The following TMED3 variants were observed in gnomAD, a reference collection of about 807,000 sequenced individuals.
TMED3 encodes transmembrane emp24 domain-containing protein 3.
A neutral mutation model predicts 15.0 loss-of-function variants in TMED3; 9 were observed. That is an observed-to-expected ratio of 0.60 (90% CI 0.36 to 1.04). The LOEUF (loss-of-function observed/expected upper bound fraction) is 1.04. Ranked by LOEUF, TMED3 falls within the 50% of genes least tolerant of loss-of-function variation. The pLI is 0.01. For synonymous variants in TMED3, 117 were observed against 121.4 expected (o/e 0.96, Z 0.24); for missense variants, 267 against 278.9 (o/e 0.96, Z 0.30).
chr15:79,320,172 C>G (rs1179396691), intron 2 of TMED3, among the ~76,000 whole-genome samples: 1 of 152,164 alleles, frequency 6.6e-6, no homozygotes, highest in Non-Finnish European at 1.5e-5. Flanking sequence ...CTGGCATTAC[C>G]GCTAGACCAA....
downstream of TMED3, among the ~76,000 whole-genome samples, chr15:79,324,360 T>G (rs1266694972): frequency 3.9e-5 from 6 of 152,322 alleles, no homozygotes; most frequent in South Asian, 1.2e-3. Context: ...AAATTGAAGA[T>G]TTTTTGTTAT....
intron 2 of TMED3, among the ~76,000 whole-genome samples, chr15:79,339,613 G>A (rs1003443636): frequency 2.0e-5 from 3 of 152,196 alleles, no homozygotes; most frequent in African/African-American, 7.2e-5. Context: ...GTCATGATGA[G>A]GGTGGCAGTG....
chr15:79,385,551 C>T (rs1282570904), intron 2 of TMED3, among the ~76,000 whole-genome samples: 1 of 152,176 alleles, frequency 6.6e-6, no homozygotes, highest in African/African-American at 2.4e-5. Flanking sequence ...AGGAGCAGGA[C>T]TCCTGCTTGT....
intron 2 of TMED3, among the ~76,000 whole-genome samples, chr15:79,364,496 G>A (rs1893191219): frequency 6.6e-6 from 1 of 151,970 alleles, no homozygotes; most frequent in South Asian, 2.1e-4. Flanking sequence ...CCTCGAGCCT[G>A]GAGCCCCATG....
At chr15:79,372,122 G>A (rs544555114) in intron 2 of TMED3, among the ~76,000 whole-genome samples, 2 of 152,274 alleles carry the variant, frequency 1.3e-5, no homozygotes, top group South Asian at 2.1e-4. Context: ...AGTCAGTCAC[G>A]TTAGGTTTCT....
At chr15:79,407,292 A>T (rs1893914724) in intron 2 of TMED3, among the ~76,000 whole-genome samples, 1 of 152,174 alleles carries the variant, frequency 6.6e-6, no homozygotes, top group Admixed American at 6.5e-5. Context: ...GAGTGCCTCT[A>T]CATCAATTAA....
rs921431358 is a variant in TMED3, at chr15:79,363,717, C to T, written c.418-47683C>T. ...AATTGTTAATTTTCTCCAGTTTTAACGTAAAGCAAAGGCAGATTTGATTAT... is the reference window on the plus strand; with the variant it reads ...AATTGTTAATTTTCTCCAGTTTTAATGTAAAGCAAAGGCAGATTTGATTAT... On this transcript the variant is annotated intron_variant, in intron 2 of 2. Coordinates refer to the TMED3 transcript ENST00000424155. 5.3e-5 allele frequency among the ~76,000 whole-genome samples: 8 copies of T among 152,194 alleles called. No homozygotes were observed. The South Asian group carries it at 6.2e-4, about 12-fold the overall frequency.
At chr15:79,355,723 C>G (rs2058916334) in intron 2 of TMED3, among the ~76,000 whole-genome samples, 1 of 152,150 alleles carries the variant, frequency 6.6e-6, no homozygotes, top group Non-Finnish European at 1.5e-5. Flanking sequence ...GGTGAGCACG[C>G]CAGCAGGTGT....
In TMED3 at chr15:79,311,308, G is replaced by C. The variant is rs773135891; in HGVS notation, c.59G>C (p.Arg20Pro). 4 of 1,608,454 alleles carry C rather than the reference G, an allele frequency of 2.5e-6. No individual in the cohort carries two copies. The highest frequency in any genetic ancestry group is 1.7e-4 in the Middle Eastern group (1 of 5,762). The stretch of plus-strand genomic sequence containing the variant: ...CTGCTTCTGCTGCTGCTCCTGCGCC[G>C]GGCCGAGCAGCCCTGCGGGGCCGAG... ...SVLLLLLLLR[R>P]AEQPCGAELT... Residue 20 changes from arginine (R) to proline (P), a missense_variant, in exon 1 of 3, where the codon CGG becomes CCG. Arg to Pro is a moderately radical substitution (Grantham distance 103, BLOSUM62 -2). Around this residue, in one of 3 missense-constraint regions of TMED3, gnomAD observed 59 missense variants for 47.0 expected, o/e 1.26. Transcript: ENST00000299705.
intron 2 of TMED3, among the ~76,000 whole-genome samples, chr15:79,368,958 G>A (rs973805079): frequency 4.5e-4 from 69 of 152,094 alleles, no homozygotes; most frequent in Non-Finnish European, 7.9e-4. Flanking sequence ...AGCTGGGCAT[G>A]GTGGCACACG....
At chr15:79,321,915 G>GT in intron 2 of TMED3, 63 bp from the exon 3 acceptor site, 2 of 1,571,626 alleles carry the variant, frequency 1.3e-6, no homozygotes. Flanking sequence ...AGCATTTGCT[G>GT]TTTGCTGGAT....
chr15:79,403,791 G>A (rs1449599129), intron 2 of TMED3, among the ~76,000 whole-genome samples: 1 of 152,162 alleles, frequency 6.6e-6, no homozygotes, highest in Non-Finnish European at 1.5e-5. Context: ...ATGGAGGCAG[G>A]AAGCACATAT....
At position 79,311,162 on chromosome 15, in the gene TMED3, C is replaced by T. The variant is rs986818560; in HGVS notation, c.-88C>T. On this transcript the variant is annotated 5_prime_UTR_variant, in exon 1 of 3. Transcript: ENST00000299705. ...GGTGCCACGTCTATCCCCTTACATC[C>T]TCCTAGGACCCGGTCGGTAGTCGTC... is the stretch of plus-strand genomic sequence containing the variant. 10 of 1,423,814 alleles carry T rather than the reference C, an allele frequency of 7.0e-6. No individual in the cohort carries two copies. The highest frequency in any genetic ancestry group is 4.4e-5 in the African/African-American group (3 of 68,728). The allele number at this position is 1,423,814 out of a possible 1,614,324, so 88.2% of individuals were successfully genotyped here.
chr15:79,408,333 A>C (rs573449627), intron 2 of TMED3, among the ~76,000 whole-genome samples: 1 of 152,272 alleles, frequency 6.6e-6, no homozygotes, highest in South Asian at 2.1e-4. Context: ...AGTTCCTCCC[A>C]TCGGACGTAT....
At chr15:79,405,048 C>T (rs552200636) in intron 2 of TMED3, among the ~76,000 whole-genome samples, 3 of 152,348 alleles carry the variant, frequency 2.0e-5, no homozygotes, top group South Asian at 2.1e-4. Flanking sequence ...TCTGAATCTT[C>T]TTGGACCCAA....
chr15:79,384,528 C>T (rs2141251020), intron 2 of TMED3: 1 of 152,338 alleles, frequency 6.6e-6, no homozygotes, highest in Middle Eastern at 3.4e-3. Context: ...CCAAGAGGCA[C>T]AGACTATGCT....
intron 2 of TMED3, among the ~76,000 whole-genome samples, chr15:79,319,002 T>C (rs892548): frequency 0.99 from 151,118 of 152,354 alleles, 74,963 homozygotes; most frequent in East Asian, 1. Context: ...AGTCCAATGC[T>C]GACTACACTC....
intron 2 of TMED3, among the ~76,000 whole-genome samples, chr15:79,317,613 T>TGA (rs1448932926): frequency 6.6e-6 from 1 of 151,744 alleles, no homozygotes; most frequent in Non-Finnish European, 1.5e-5. Context: ...AATACATATG[T>TGA]GTGTGTGCCA....
At chr15:79,354,405 G>C (rs768161290) in intron 2 of TMED3, among the ~76,000 whole-genome samples, 4 of 152,264 alleles carry the variant, frequency 2.6e-5, no homozygotes, top group Middle Eastern at 3.4e-3. Flanking sequence ...CAGAGAACAA[G>C]CTCAGGAAAT....
Sources: gnomAD v4.1 joint callset for allele counts (sites outside exome capture counted in the v4.1 genomes callset) on GRCh38, gnomAD v4.1.1 for gene constraint, gnomAD v4.1.1 regional missense constraint, MANE v1.5 for transcripts, NCBI Gene and HGNC (gene_info 2026-07-23, HGNC 2026-07-21) for gene names.